Variants in TCF7L2 observed in about 807,000 individuals in gnomAD.
TCF7L2 encodes the protein transcription factor 7 like 2, also known as transcription factor 7-like 2.
In TCF7L2, 23 loss-of-function variants were observed where a neutral mutation model predicts 77.9. That is an observed-to-expected ratio of 0.30 (90% CI 0.21 to 0.42). The LOEUF (loss-of-function observed/expected upper bound fraction) is 0.42. Ranked by LOEUF, TCF7L2 falls within the 10% of genes least tolerant of loss-of-function variation. TCF7L2 has a pLI of 1.00. For synonymous variants in TCF7L2, 413 were observed against 340.2 expected (o/e 1.21, Z -2.36); for missense variants, 654 against 793.1 (o/e 0.82, Z 2.11).
At chr10:113,091,637 A>T (rs957504227) in intron 5 of TCF7L2, among the ~76,000 whole-genome samples, 5 of 152,306 alleles carry the variant, frequency 3.3e-5, no homozygotes, top group African/African-American at 1.2e-4. Context: ...GAATCGCTTG[A>T]ACTCAGAAGG....
At chr10:113,100,503 G>T (rs1265429683) in intron 5 of TCF7L2, among the ~76,000 whole-genome samples, 15 of 151,778 alleles carry the variant, frequency 9.9e-5, no homozygotes, top group Admixed American at 5.9e-4. Flanking sequence ...TCTTATTTGG[G>T]TGACAGATTG....
intron 5 of TCF7L2, among the ~76,000 whole-genome samples, chr10:113,091,011 C>G (rs2060340129): frequency 6.6e-6 from 1 of 152,124 alleles, no homozygotes; most frequent in African/African-American, 2.4e-5. Context: ...AAGAAATTCT[C>G]CTGCCTCAGC....
chr10:113,158,854 T>C lies in TCF7L2; in HGVS notation c.1318+785T>C, dbSNP rs2072507249. The C allele has an allele frequency of 3.5e-6, 3 of 852,188 alleles. No homozygotes were observed. In the South Asian group the frequency reaches 5.8e-5, roughly 17 times the overall value. The allele number at this position is 852,188 out of a possible 1,614,324, so 52.8% of individuals were successfully genotyped here. On this transcript the variant is annotated intron_variant, in intron 12 of 13. Coordinates refer to ENST00000627217, the MANE Select transcript of TCF7L2 (RefSeq NM_001146274.2). Reference sequence around the variant, plus strand: ...AAATGACCATCAACACGGTTTCGTATGTTTCAGTAGATTTTTTTTTTCAGT... The same window carrying C: ...AAATGACCATCAACACGGTTTCGTACGTTTCAGTAGATTTTTTTTTTCAGT...
rs141060651 is a variant in TCF7L2, at chr10:112,966,184, TTATATATA to T, written c.450+1580_450+1587del. Among the ~76,000 whole-genome samples, 25 of 114,232 alleles carry T rather than the reference TTATATATA, an allele frequency of 2.2e-4. 3 individuals are homozygous for T. Among genetic ancestry groups the T allele is most frequent in the African/African-American group, 1.0e-3 (22 of 21,018 alleles). The allele number at this position is 114,232 out of a possible 152,430, so 74.9% of individuals were successfully genotyped here. A position where few individuals can be genotyped will look rare whatever the true frequency, so the allele number is the denominator to read the frequency against. On this transcript the variant is annotated intron_variant, in intron 4 of 13. Coordinates refer to ENST00000627217, the MANE Select transcript of TCF7L2 (RefSeq NM_001146274.2). ...GAGTGAGACTCTGTCTAAAATATAT[TTATATATA>T]TATATATATATATATATATTTTCTT...
At chr10:113,004,076 G>T (rs1044202896) in intron 4 of TCF7L2, among the ~76,000 whole-genome samples, 6 of 152,232 alleles carry the variant, frequency 3.9e-5, no homozygotes, top group Non-Finnish European at 5.9e-5. Context: ...TGATTGCCCA[G>T]TATCAGTTAG....
chr10:113,039,646 T>C (rs1286539400), intron 4 of TCF7L2, among the ~76,000 whole-genome samples: 1 of 152,144 alleles, frequency 6.6e-6, no homozygotes, highest in Admixed American at 6.5e-5. Flanking sequence ...GGCTTGAGAT[T>C]TGTGTTTTAC....
chr10:112,976,852 G>A (rs1352937718), intron 4 of TCF7L2, among the ~76,000 whole-genome samples: 4 of 152,118 alleles, frequency 2.6e-5, no homozygotes, highest in Non-Finnish European at 4.4e-5. Flanking sequence ...TTGCACTGCT[G>A]TCTTAGAGAC....
chr10:113,098,212 GTT>G (rs1005418205), intron 5 of TCF7L2, among the ~76,000 whole-genome samples: 20 of 152,070 alleles, frequency 1.3e-4, no homozygotes, highest in Non-Finnish European at 2.9e-4. Context: ...TGTTGGGGAT[GTT>G]TGTTTCTTCT....
intron 8 of TCF7L2, among the ~76,000 whole-genome samples, chr10:113,149,795 T>C (rs2070352102): frequency 6.6e-6 from 1 of 152,230 alleles, no homozygotes; most frequent in South Asian, 2.1e-4. Flanking sequence ...ATGATCTTCA[T>C]CTGAACAGCT....
intron 4 of TCF7L2, among the ~76,000 whole-genome samples, chr10:112,970,978 C>A (rs1476930335): frequency 6.6e-6 from 1 of 152,170 alleles, no homozygotes; most frequent in Non-Finnish European, 1.5e-5. Context: ...TTGATAGAAC[C>A]TGTGGATGGC....
chr10:113,081,311 A>G (rs941271951), intron 5 of TCF7L2, among the ~76,000 whole-genome samples: 3 of 152,202 alleles, frequency 2.0e-5, no homozygotes, highest in African/African-American at 7.2e-5. Context: ...ACGCACCAAT[A>G]CTACTTCCCA....
At chr10:113,137,808 A>T (rs954006498) in intron 5 of TCF7L2, among the ~76,000 whole-genome samples, 1 of 152,204 alleles carries the variant, frequency 6.6e-6, no homozygotes, top group African/African-American at 2.4e-5. Flanking sequence ...CATTCCGCAG[A>T]CTGGGCACTT....
intron 5 of TCF7L2, among the ~76,000 whole-genome samples, chr10:113,109,248 C>T (rs2062814012): frequency 6.6e-6 from 1 of 152,188 alleles, no homozygotes; most frequent in South Asian, 2.1e-4. Flanking sequence ...GACCTGAGCT[C>T]AAATCCTGAT....
chr10:113,014,419 C>T (rs186242725), intron 4 of TCF7L2, among the ~76,000 whole-genome samples: 1 of 152,294 alleles, frequency 6.6e-6, no homozygotes, highest in Admixed American at 6.5e-5. Flanking sequence ...ATGGAAATAC[C>T]TTCTTGACAT....
intron 4 of TCF7L2, among the ~76,000 whole-genome samples, chr10:112,979,134 T>C (rs2040001387): frequency 1.3e-5 from 2 of 151,976 alleles, no homozygotes; most frequent in Admixed American, 1.3e-4. Context: ...TTTCATGGAG[T>C]GGACTGGCCT....
At chr10:112,990,916 G>A (rs760409373) in intron 4 of TCF7L2, among the ~76,000 whole-genome samples, 1 of 152,160 alleles carries the variant, frequency 6.6e-6, no homozygotes, top group Non-Finnish European at 1.5e-5. Context: ...TTCAATTGGA[G>A]ACTGATCCAT....
intron 4 of TCF7L2, among the ~76,000 whole-genome samples, chr10:113,027,743 C>CT (rs2133997019): frequency 6.6e-6 from 1 of 152,254 alleles, no homozygotes; most frequent in East Asian, 1.9e-4. Flanking sequence ...CTTGCCTCTT[C>CT]TTTTCGACCC....
At chr10:112,990,960 T>C (rs1041622358) in intron 4 of TCF7L2, among the ~76,000 whole-genome samples, 3 of 152,146 alleles carry the variant, frequency 2.0e-5, no homozygotes, top group Non-Finnish European at 4.4e-5. Flanking sequence ...GAAATCCCTA[T>C]TTTTCCAGCT....
At position 113,147,522 on chromosome 10, in the gene TCF7L2, G is replaced by A. The variant is rs191727585; in HGVS notation, c.875+1425G>A. On this transcript the variant is annotated intron_variant, in intron 8 of 13. Transcript: ENST00000627217. ...GTATTAGTTAGGTAGGAAAACGCTC[G>A]TGTGTTCTCTGGCCTAGAGAGAAGA... Among the ~76,000 whole-genome samples, 584 of 152,226 alleles carry A rather than the reference G, an allele frequency of 3.8e-3. 3 individuals are homozygous for A. Among genetic ancestry groups the A allele is most frequent in the Non-Finnish European group, 4.1e-3 (277 of 68,006 alleles).
Sources: allele counts gnomAD v4.1 joint callset (sites outside exome capture counted in the v4.1 genomes callset), GRCh38; gene constraint gnomAD v4.1.1; transcripts MANE v1.5; gene names NCBI Gene and HGNC (gene_info 2026-07-23, HGNC 2026-07-21).